PDZRN4: variants seen among roughly 807,000 people sequenced by gnomAD.
PDZRN4 encodes the protein PDZ domain containing ring finger 4, also known as PDZ domain-containing RING finger protein 4.
PDZRN4 carries 70 observed loss-of-function variants against 99.0 expected under a neutral mutation model. The observed-to-expected ratio is 0.71, with a 90% CI of 0.58 to 0.86. The LOEUF is 0.86. Ranked by LOEUF, PDZRN4 falls within the 40% of genes least tolerant of loss-of-function variation. The probability of loss-of-function intolerance (pLI) is 0.00; values close to 1 mark genes in which losing one functional copy is unlikely to be tolerated. For synonymous variants in PDZRN4, 551 were observed against 501.6 expected (o/e 1.10, Z -1.32); for missense variants, 1,474 against 1,331.2 (o/e 1.11, Z -1.67).
At chr12:41,496,083 A>G (rs984592701) in intron 3 of PDZRN4, among the ~76,000 whole-genome samples, 8 of 152,082 alleles carry the variant, frequency 5.3e-5, no homozygotes, top group Non-Finnish European at 1.2e-4. Context: ...ACACTCATTT[A>G]CACTCAGCTT....
chr12:41,468,429 C>T (rs986768274), intron 3 of PDZRN4, among the ~76,000 whole-genome samples: 9 of 152,166 alleles, frequency 5.9e-5, no homozygotes, highest in African/African-American at 2.2e-4. Context: ...AAGCCCAAAA[C>T]TAAGTGGACA....
intron 3 of PDZRN4, among the ~76,000 whole-genome samples, chr12:41,266,294 G>C (rs1951275513): frequency 1.3e-4 from 1 of 7,982 alleles, no homozygotes; most frequent in Non-Finnish European, 2.6e-4. Flanking sequence ...CTGGGCGACA[G>C]AGCGAGACTC....
intron 3 of PDZRN4, among the ~76,000 whole-genome samples, chr12:41,262,976 A>ATAT (rs1381799752): frequency 6.8e-6 from 1 of 146,556 alleles, no homozygotes; most frequent in African/African-American, 2.7e-5. Flanking sequence ...TATATATAAA[A>ATAT]TATATCTCAC....
At chr12:41,356,037 G>C (rs562477506) in intron 3 of PDZRN4, among the ~76,000 whole-genome samples, 1 of 151,938 alleles carries the variant, frequency 6.6e-6, no homozygotes, top group Non-Finnish European at 1.5e-5. Context: ...TCTGAGAATT[G>C]AACTGACTAA....
intron 3 of PDZRN4, among the ~76,000 whole-genome samples, chr12:41,221,823 A>C (rs1005313745): frequency 2.0e-5 from 3 of 152,040 alleles, no homozygotes; most frequent in African/African-American, 7.2e-5. Context: ...AGGAGAGAAA[A>C]CTGGGCCCCT....
chr12:41,409,292 A>G (rs1488015412), intron 3 of PDZRN4, among the ~76,000 whole-genome samples: 1 of 152,064 alleles, frequency 6.6e-6, no homozygotes, highest in African/African-American at 2.4e-5. Flanking sequence ...CTTGGGACAT[A>G]TAGTTATTGA....
chr12:41,191,853 G>C lies in PDZRN4; in HGVS notation c.735+309G>C, dbSNP rs986931301. Among the ~76,000 whole-genome samples, 4 of 151,952 alleles carry C rather than the reference G, an allele frequency of 2.6e-5. No homozygotes were observed. In the South Asian group the frequency reaches 8.3e-4, roughly 31 times the overall value. On this transcript the variant is annotated intron_variant, in intron 2 of 9. Transcript: ENST00000402685. ...GCTAGAGTGCAGTGGCACGATCTCA[G>C]CTCACTGCAACCTCTTCCTCCTGGG...
chr12:41,350,136 C>T (rs1255745349), intron 3 of PDZRN4, among the ~76,000 whole-genome samples: 1 of 151,948 alleles, frequency 6.6e-6, no homozygotes, highest in Non-Finnish European at 1.5e-5. Flanking sequence ...TTTAATTTCT[C>T]CTATGTGACA....
intron 3 of PDZRN4, among the ~76,000 whole-genome samples, chr12:41,326,536 C>A (rs1434452972): frequency 6.6e-6 from 1 of 152,050 alleles, no homozygotes; most frequent in African/African-American, 2.4e-5. Context: ...GAAGATTGAG[C>A]AGAAAAGGAT....
At chr12:41,361,904 T>C (rs924835978) in intron 3 of PDZRN4, among the ~76,000 whole-genome samples, 1 of 151,994 alleles carries the variant, frequency 6.6e-6, no homozygotes, top group African/African-American at 2.4e-5. Flanking sequence ...TAGATTTTAA[T>C]TGTACTCGGG....
chr12:41,303,418 G>A (rs1951550324), intron 3 of PDZRN4, among the ~76,000 whole-genome samples: 1 of 152,110 alleles, frequency 6.6e-6, no homozygotes, highest in South Asian at 2.1e-4. Flanking sequence ...CTCTATCTAT[G>A]AACCATATTC....
chr12:41,262,987 T>TG (rs199812626), intron 3 of PDZRN4, among the ~76,000 whole-genome samples: 19,233 of 151,670 alleles, frequency 0.13, 2,161 homozygotes, highest in African/African-American at 0.3. Context: ...TATATCTCAC[T>TG]AACTAAACCA....
chr12:41,400,922 G>A (rs1417923526), intron 3 of PDZRN4, among the ~76,000 whole-genome samples: 1 of 152,088 alleles, frequency 6.6e-6, no homozygotes, highest in Non-Finnish European at 1.5e-5. Context: ...AGGTAGGCCT[G>A]AATCCTGACT....
chr12:41,226,895 CCAGT>C (rs1441005234), intron 3 of PDZRN4, among the ~76,000 whole-genome samples: 8 of 152,108 alleles, frequency 5.3e-5, no homozygotes, highest in African/African-American at 1.2e-4. Flanking sequence ...GCTTTTTGTG[CCAGT>C]CAAACTGACT....
intron 3 of PDZRN4, among the ~76,000 whole-genome samples, chr12:41,224,655 G>A (rs1950980990): frequency 6.6e-6 from 1 of 152,124 alleles, no homozygotes; most frequent in African/African-American, 2.4e-5. Context: ...TATAGTATAG[G>A]TAAGAAAATC....
chr12:41,270,936 G>A (rs2120858933), intron 3 of PDZRN4, among the ~76,000 whole-genome samples: 1 of 152,098 alleles, frequency 6.6e-6, no homozygotes, highest in East Asian at 1.9e-4. Context: ...ATACAGTATA[G>A]TAAAGTTGAT....
intron 3 of PDZRN4, among the ~76,000 whole-genome samples, chr12:41,361,444 G>A (rs1169709630): frequency 1.3e-5 from 2 of 152,016 alleles, no homozygotes; most frequent in African/African-American, 4.8e-5. Context: ...TGCTTGTTAT[G>A]AGTTATGAAT....
chr12:41,321,484 T>C (rs1951677224), intron 3 of PDZRN4, among the ~76,000 whole-genome samples: 2 of 152,228 alleles, frequency 1.3e-5, no homozygotes, highest in African/African-American at 2.4e-5. Context: ...AGTGTGTTTC[T>C]ATATGCAGAT....
At chr12:41,497,643 G>A (rs1042925219) in intron 3 of PDZRN4, among the ~76,000 whole-genome samples, 1 of 152,068 alleles carries the variant, frequency 6.6e-6, no homozygotes, top group African/African-American at 2.4e-5. Flanking sequence ...CCCACAATTA[G>A]CCAGGAGGCA....
Sources: allele counts gnomAD v4.1 joint callset (sites outside exome capture counted in the v4.1 genomes callset), GRCh38; gene constraint gnomAD v4.1.1; transcripts MANE v1.5; gene names NCBI Gene and HGNC (gene_info 2026-07-23, HGNC 2026-07-21).